Variants in GET3 observed in about 807,000 individuals in gnomAD.
GET3 encodes guided entry of tail-anchored proteins factor 3, ATPase.
GET3 carries 15 observed loss-of-function variants against 32.4 expected under a neutral mutation model. That is an observed-to-expected ratio of 0.46 (90% CI 0.31 to 0.71). The LOEUF is 0.71. GET3 is among the 30% of genes least tolerant of loss of function. The pLI, the probability that GET3 is intolerant of heterozygous loss-of-function variation, is 0.05. For missense variants in GET3, 333 were observed against 459.0 expected (o/e 0.73, Z 2.51); for synonymous variants, 198 against 185.6 (o/e 1.07, Z -0.54).
In GET3 at chr19:12,747,289, A is replaced by C. The variant is rs1320445619; in HGVS notation, c.702A>C (p.Glu234Asp). 1.3e-5 allele frequency: 21 copies of C among 1,611,702 alleles called. No homozygotes were observed. The highest frequency in any genetic ancestry group is 1.7e-5 in the Non-Finnish European group (20 of 1,178,660). The change falls in exon 5 of 7, where the codon GAA becomes GAC. Residue 234 changes from glutamate (E) to aspartate (D), a missense_variant. Transcript: ENST00000357332. This position sits in a 1 kb window ranked among gnomAD's most constrained non-coding sequence, Gnocchi z 4.0. ...ETLPVIRSVS[E>D]QFKDPEQTTF... is the part of the protein sequence containing the mutation. Reference sequence around the variant, plus strand: ...TGCCCGTCATCCGCTCAGTCAGCGAACAGTTCAAGGACCCTGTGAGTGGTG... The same window carrying C: ...TGCCCGTCATCCGCTCAGTCAGCGACCAGTTCAAGGACCCTGTGAGTGGTG...
At chr19:12,744,217 G>A (rs1204161487) in intron 2 of GET3, among the ~76,000 whole-genome samples, 20 of 135,242 alleles carry the variant, frequency 1.5e-4, no homozygotes, top group Non-Finnish European at 2.4e-4. Context: ...ACTCCATCTC[G>A]GGAAAAAAAA....
At position 12,747,454 on chromosome 19, in the gene GET3, G is replaced by C. The variant is rs1157354267; in HGVS notation, c.777G>C (p.Glu259Asp). Residue 259 changes from glutamate (E) to aspartate (D), a missense_variant, in exon 6 of 7, where the codon GAG becomes GAC. Around this residue, in one of 3 missense-constraint regions of GET3, gnomAD observed 230 missense variants for 389.2 expected, o/e 0.59. Transcript: ENST00000357332. This position sits in a 1 kb window ranked among gnomAD's most constrained non-coding sequence, Gnocchi z 4.0. ...IAEFLSLYET[E>D]RLIQELAKCK... is the part of the protein sequence containing the mutation. ...AGTTCCTGTCCCTGTATGAGACAGA[G>C]AGGCTGATCCAGGAGCTGGCCAAGT... 6.2e-7 allele frequency: 1 copy of C among 1,613,930 alleles called. No homozygotes were observed. Among genetic ancestry groups the C allele is most frequent in the Non-Finnish European group, 8.5e-7 (1 of 1,180,022 alleles).
At chr19:12,744,723 C>A (rs532783924) in intron 2 of GET3, among the ~76,000 whole-genome samples, 2 of 152,304 alleles carry the variant, frequency 1.3e-5, no homozygotes, top group East Asian at 1.9e-4. Context: ...CCCTGAGGGG[C>A]AGACATTCCT....
At chr19:12,740,704 A>G (rs1404893529) in intron 2 of GET3, among the ~76,000 whole-genome samples, 1 of 152,106 alleles carries the variant, frequency 6.6e-6, no homozygotes, top group African/African-American at 2.4e-5. Context: ...AAAATAAAAT[A>G]AAGAGATGCT....
intron 1 of GET3, 89 bp downstream of exon 1, chr19:12,737,755 G>C (rs1967600787): frequency 6.8e-7 from 1 of 1,464,354 alleles, no homozygotes. Context: ...CACCACGACC[G>C]GGGCATGGGG....
upstream of GET3, chr19:12,737,445 A>T (rs1967589884): frequency 7.1e-7 from 1 of 1,405,674 alleles, no homozygotes; most frequent in Non-Finnish European, 9.3e-7. Flanking sequence ...TGTGATAGAG[A>T]ATTTCCCCTG....
chr19:12,746,887 G>A (rs1285594936), intron 4 of GET3, among the ~76,000 whole-genome samples: 5 of 151,976 alleles, frequency 3.3e-5, no homozygotes, highest in African/African-American at 9.7e-5. Context: ...GTGCGCGCCT[G>A]TAATCCCAGC....
chr19:12,745,868 C>A lies in GET3; in HGVS notation c.609+109C>A. On this transcript the variant is annotated intron_variant, in intron 4 of 6. Transcript: ENST00000357332. This position sits in a 1 kb window ranked among gnomAD's most constrained non-coding sequence, Gnocchi z 5.0. ...CTAACAATTCCCTTTCCTTCCCACC[C>A]CTTCTCACTCTGGACTTCTCCCTGG... The A allele has an allele frequency of 1.4e-6, 2 of 1,388,152 alleles. No individual in the cohort carries two copies. Among genetic ancestry groups the A allele is most frequent in the Non-Finnish European group, 9.6e-7 (1 of 1,041,596 alleles). The allele number at this position is 1,388,152 out of a possible 1,614,324, so 86.0% of individuals were successfully genotyped here.
chr19:12,743,722 CTTTTTTTT>C (rs776785337), intron 2 of GET3, among the ~76,000 whole-genome samples: 2 of 70,404 alleles, frequency 2.8e-5, no homozygotes, highest in African/African-American at 1.5e-4. Context: ...GACTCCATCT[CTTTTTTTT>C]TTTTTTTTTT....
chr19:12,742,407 T>C (rs1967688408), intron 2 of GET3, among the ~76,000 whole-genome samples: 2 of 150,888 alleles, frequency 1.3e-5, no homozygotes. Context: ...AATTTTTGTT[T>C]TGGGGGGGTT....
chr19:12,738,372 C>T, intron 1 of GET3, 139 bp from the exon 2 acceptor site: 1 of 1,039,540 alleles, frequency 9.6e-7, no homozygotes, highest in Non-Finnish European at 1.4e-6. Context: ...AGGCTCAATC[C>T]CACCATAACC....
Position 12,747,705 on chromosome 19 carries a change from C to T in GET3, c.915+113C>T, listed in dbSNP as rs937350983. On this transcript the variant is annotated intron_variant, in intron 6 of 6. Transcript: ENST00000357332. This position sits in a 1 kb window ranked among gnomAD's most constrained non-coding sequence, Gnocchi z 4.0. ...CCTCTAGCCTCCTGCCCTTTGCCCC[C>T]ACATTTCAGATCCTTCACCCTTATT... The T allele has an allele frequency of 9.0e-6, 12 of 1,333,216 alleles. No homozygotes were observed. In the Admixed American group the frequency reaches 2.7e-4, roughly 30 times the overall value. 82.6% of individuals were successfully genotyped at this position (1,333,216 alleles called of 1,614,324 possible).
At chr19:12,738,417 T>C in intron 1 of GET3, 94 bp from the exon 2 acceptor site, 1 of 1,525,992 alleles carries the variant, frequency 6.6e-7, no homozygotes, top group East Asian at 2.3e-5. Context: ...CTGATTCGGG[T>C]CACCTGCTCC....
At chr19:12,743,136 T>G (rs1345995581) in intron 2 of GET3, among the ~76,000 whole-genome samples, 1 of 152,188 alleles carries the variant, frequency 6.6e-6, no homozygotes, top group Non-Finnish European at 1.5e-5. Context: ...TACTTCCCCA[T>G]GGGACCCATG....
At chr19:12,742,876 AAAG>A (rs1440061968) in intron 2 of GET3, among the ~76,000 whole-genome samples, 1 of 152,152 alleles carries the variant, frequency 6.6e-6, no homozygotes, top group Non-Finnish European at 1.5e-5. Flanking sequence ...AAAGAAAAAA[AAAG>A]CTGGAAGTAA....
In GET3 at chr19:12,738,495, C is replaced by T; in HGVS notation, c.162-16C>T. The T allele has an allele frequency of 1.2e-6, 2 of 1,613,740 alleles. No individual in the cohort carries two copies. Among genetic ancestry groups the T allele is most frequent in the Non-Finnish European group, 1.7e-6 (2 of 1,179,896 alleles). ...CATCCCCTCATCCCCTATCTTTTGA[C>T]TTTTCCATTACTCAGCTGCAGCCTG... On this transcript the variant is annotated splice_polypyrimidine_tract_variant and intron_variant, in intron 1 of 6. Transcript: ENST00000357332.
intron 2 of GET3, among the ~76,000 whole-genome samples, chr19:12,739,860 A>G (rs1208929596): frequency 6.6e-6 from 1 of 152,118 alleles, no homozygotes; most frequent in South Asian, 2.1e-4. Flanking sequence ...CCTGGCCAAC[A>G]TGGTGAAACC....
chr19:12,747,702 C>T lies in GET3; in HGVS notation c.915+110C>T. The T allele has an allele frequency of 7.4e-7, 1 of 1,351,430 alleles. No individual in the cohort carries two copies. The highest frequency in any genetic ancestry group is 2.2e-5 in the Admixed American group (1 of 44,972). The allele number at this position is 1,351,430 out of a possible 1,614,324, so 83.7% of individuals were successfully genotyped here. ...TGCCCTCTAGCCTCCTGCCCTTTGC[C>T]CCCACATTTCAGATCCTTCACCCTT... On this transcript the variant is annotated intron_variant, in intron 6 of 6. Coordinates refer to ENST00000357332, the MANE Select transcript of GET3 (RefSeq NM_004317.4). This position sits in a 1 kb window ranked among gnomAD's most constrained non-coding sequence, Gnocchi z 4.0.
intron 1 of GET3, 70 bp from the exon 2 acceptor site, chr19:12,738,441 C>T: frequency 4.4e-6 from 7 of 1,583,634 alleles, no homozygotes; most frequent in Non-Finnish European, 6.0e-6. Flanking sequence ...GAACCTACCA[C>T]TCCCCTTGCA....
Sources: gnomAD v4.1 joint callset for allele counts (sites outside exome capture counted in the v4.1 genomes callset) on GRCh38, gnomAD v4.1.1 for gene constraint, gnomAD v4.1.1 regional missense constraint, Gnocchi (gnomAD v3.1) non-coding constraint, MANE v1.5 for transcripts, NCBI Gene and HGNC (gene_info 2026-07-23, HGNC 2026-07-21) for gene names.